GLI3: variants seen among roughly 807,000 people sequenced by gnomAD.
GLI3 encodes the protein transcription activator GLI3.
In GLI3, 20 loss-of-function variants were observed where a neutral mutation model predicts 100.8. The ratio of observed to expected loss-of-function variants is 0.20; its 90% CI spans 0.14 to 0.29. GLI3 has a LOEUF of 0.29. GLI3 is among the 10% of genes least tolerant of loss of function. GLI3 has a pLI of 1.00. For synonymous variants in GLI3, 938 were observed against 860.5 expected (o/e 1.09, Z -1.58); for missense variants, 2,040 against 2,128.5 (o/e 0.96, Z 0.82).
chr7:42,256,587 A>G lies in GLI3; in HGVS notation c.-43+7407T>C, dbSNP rs147709159. 1.4e-4 allele frequency among the ~76,000 whole-genome samples: 21 copies of G among 152,290 alleles called. No individual in the cohort carries two copies. The East Asian group carries it at 4.1e-3, about 29-fold the overall frequency. On this transcript the variant is annotated intron_variant, in intron 1 of 2. Transcript: ENST00000678978. ...TTGCATCTTTGTTGAGCACAGGTTC[A>G]CTATAAACACAAGGATATATTTCTG...
intron 1 of GLI3, among the ~76,000 whole-genome samples, chr7:42,232,963 A>G (rs1458933489): frequency 6.6e-6 from 1 of 152,230 alleles, no homozygotes; most frequent in East Asian, 1.9e-4. Context: ...TGGCACTCAA[A>G]TATAGCGCAT....
chr7:42,132,314 A>G (rs184726115), intron 3 of GLI3, among the ~76,000 whole-genome samples: 1,609 of 151,932 alleles, frequency 0.011, 21 homozygotes, highest in Non-Finnish European at 0.018. Flanking sequence ...GTTAGCCAGG[A>G]TGGTCTCGAT....
Position 41,972,338 on chromosome 7 carries a change from A to T in GLI3, c.2102T>A (p.Met701Lys), listed in dbSNP as rs1787384889. ...QVKTVKAEKPMTSQPSPGGQS... is the reference protein window; with the variant it reads ...QVKTVKAEKPKTSQPSPGGQS... The stretch of plus-strand genomic sequence containing the variant: ...TCAGAAGGAGAGTGAATGACATACC[A>T]TTGGCTTCTCTGCCTTGACGGTTTT... Residue 701 changes from methionine to lysine, a missense_variant and splice_region_variant, in exon 13 of 15, where the codon ATG becomes AAG. Around this residue, in one of 5 missense-constraint regions of GLI3, gnomAD observed 327 missense variants for 338.7 expected, o/e 0.97. Coordinates refer to ENST00000395925, the MANE Select transcript of GLI3 (RefSeq NM_000168.6). The surrounding 1 kb of genome is among the most constrained non-coding windows in gnomAD (Gnocchi z 4.4). 6.2e-7 allele frequency: 1 copy of T among 1,613,526 alleles called. No individual in the cohort carries two copies. The highest frequency in any genetic ancestry group is 8.5e-7 in the Non-Finnish European group (1 of 1,179,750).
chr7:42,235,417 G>T (rs114083603), intron 1 of GLI3, among the ~76,000 whole-genome samples: 1 of 152,196 alleles, frequency 6.6e-6, no homozygotes, highest in African/African-American at 2.4e-5. Flanking sequence ...CATTTCAGAC[G>T]GCCAGGGTGC....
intron 1 of GLI3, among the ~76,000 whole-genome samples, chr7:42,243,336 G>A (rs1788943281): frequency 6.6e-6 from 1 of 152,148 alleles, no homozygotes; most frequent in South Asian, 2.1e-4. Context: ...AGAGAATTTG[G>A]TAGGTGGGAG....
chr7:42,201,491 T>C (rs1454450251), intron 2 of GLI3, among the ~76,000 whole-genome samples: 5 of 152,110 alleles, frequency 3.3e-5, no homozygotes, highest in Non-Finnish European at 5.9e-5. Context: ...CACATACACA[T>C]AGACAGACAC....
At chr7:42,113,280 C>T (rs563621147) in intron 3 of GLI3, 14 of 553,420 alleles carry the variant, frequency 2.5e-5, no homozygotes, top group Non-Finnish European at 3.8e-5. Context: ...GAAGAAGAGG[C>T]GAGAACGACC....
intron 3 of GLI3, among the ~76,000 whole-genome samples, chr7:42,117,281 T>C (rs1650277780): frequency 6.6e-6 from 1 of 152,170 alleles, no homozygotes; most frequent in Admixed American, 6.5e-5. Flanking sequence ...GGGCTCTGGA[T>C]TCCTGGATGC....
intron 3 of GLI3, among the ~76,000 whole-genome samples, chr7:42,134,812 C>A (rs992475384): frequency 6.6e-6 from 1 of 152,038 alleles, no homozygotes; most frequent in Non-Finnish European, 1.5e-5. Flanking sequence ...GGGAGCATTT[C>A]AGATTGCAGT....
intron 3 of GLI3, among the ~76,000 whole-genome samples, chr7:42,089,499 A>C (rs942305909): frequency 6.6e-6 from 1 of 152,214 alleles, no homozygotes; most frequent in Admixed American, 6.5e-5. Flanking sequence ...TATCACCCTC[A>C]ATATGAATCC....
chr7:42,170,182 G>A (rs2128675860), intron 2 of GLI3, among the ~76,000 whole-genome samples: 1 of 149,638 alleles, frequency 6.7e-6, no homozygotes, highest in African/African-American at 2.5e-5. Flanking sequence ...AGCCCAGGAG[G>A]CAGAGGTTGC....
chr7:42,196,244 A>G (rs924340393), intron 2 of GLI3, among the ~76,000 whole-genome samples: 1 of 152,202 alleles, frequency 6.6e-6, no homozygotes, highest in South Asian at 2.1e-4. Context: ...TACATCGTAA[A>G]TCTCTTTTAG....
intron 1 of GLI3, among the ~76,000 whole-genome samples, chr7:42,248,670 A>G (rs1386594242): frequency 6.6e-6 from 1 of 152,244 alleles, no homozygotes; most frequent in African/African-American, 2.4e-5. Context: ...CATATAGTAG[A>G]TGGAAAAATT....
intron 3 of GLI3, chr7:42,145,428 C>T (rs900960015): frequency 5.0e-6 from 2 of 397,160 alleles, no homozygotes; most frequent in African/African-American, 4.1e-5. Flanking sequence ...TTTACAATTT[C>T]TTCACTTACA....
At chr7:42,082,918 G>A (rs1450583052) in intron 3 of GLI3, among the ~76,000 whole-genome samples, 1 of 151,908 alleles carries the variant, frequency 6.6e-6, no homozygotes, top group Admixed American at 6.6e-5. Flanking sequence ...TTTTTTATAG[G>A]TACATAGTAG....
At chr7:42,076,641 C>T (rs1784883766) in intron 4 of GLI3, 111 bp downstream of exon 4, 3 of 764,628 alleles carry the variant, frequency 3.9e-6, no homozygotes, top group Admixed American at 1.9e-5. Flanking sequence ...AAATCTTACA[C>T]TTCTATCACA....
intron 10 of GLI3, among the ~76,000 whole-genome samples, chr7:42,022,933 C>T (rs555731389): frequency 1.3e-5 from 2 of 152,238 alleles, no homozygotes; most frequent in Non-Finnish European, 2.9e-5. Context: ...AAAACACTTA[C>T]AACTTTTTCC....
chr7:41,990,153 T>C (rs527898338), intron 10 of GLI3, among the ~76,000 whole-genome samples: 35 of 120,352 alleles, frequency 2.9e-4, no homozygotes, highest in African/African-American at 9.8e-4. Flanking sequence ...ACACACACAA[T>C]GACTATCCCT....
chr7:42,155,733 T>C (rs539256515), intron 2 of GLI3, among the ~76,000 whole-genome samples: 1 of 152,100 alleles, frequency 6.6e-6, no homozygotes, highest in Admixed American at 6.6e-5. Flanking sequence ...AAGATGAGAA[T>C]TCAGATAAAC....
Sources: gnomAD v4.1 joint callset for allele counts (sites outside exome capture counted in the v4.1 genomes callset) on GRCh38, gnomAD v4.1.1 for gene constraint, gnomAD v4.1.1 regional missense constraint, Gnocchi (gnomAD v3.1) non-coding constraint, MANE v1.5 for transcripts, NCBI Gene and HGNC (gene_info 2026-07-23, HGNC 2026-07-21) for gene names.